Variants in NAV3 observed in about 807,000 individuals in gnomAD.
NAV3 encodes pore membrane and/or filament interacting like protein 1.
NAV3 carries 87 observed loss-of-function variants against 244.7 expected under a neutral mutation model. That is an observed-to-expected ratio of 0.36 (90% confidence interval 0.30 to 0.42). The LOEUF (loss-of-function observed/expected upper bound fraction) is 0.42, where lower values mean the gene tolerates loss of function less well. Ranked by LOEUF, NAV3 falls within the 20% of genes least tolerant of loss-of-function variation. The pLI is 1.00. For synonymous variants in NAV3, 1,126 were observed against 1,042.2 expected (o/e 1.08, Z -1.55); for missense variants, 2,663 against 2,893.3 (o/e 0.92, Z 1.83).
At chr12:77,960,699 A>C (rs1891824495) in intron 3 of NAV3, among the ~76,000 whole-genome samples, 1 of 147,642 alleles carries the variant, frequency 6.8e-6, no homozygotes, top group Non-Finnish European at 1.5e-5. Flanking sequence ...TATATAATTA[A>C]AGTATATGCT....
At chr12:77,887,680 T>TTA (rs1287886639) in intron 1 of NAV3, among the ~76,000 whole-genome samples, 2 of 152,160 alleles carry the variant, frequency 1.3e-5, no homozygotes, top group East Asian at 3.9e-4. Context: ...TTGAGAGACT[T>TTA]ATTTAGAGAG....
At position 77,940,368 on chromosome 12, in the gene NAV3, G is replaced by A. The variant is rs780245136; in HGVS notation, c.293G>A (p.Arg98Gln). 148 of 1,613,672 alleles carry A rather than the reference G, an allele frequency of 9.2e-5. 1 individual carries two copies. Among genetic ancestry groups the A allele is most frequent in the Non-Finnish European group, 1.2e-4 (137 of 1,179,828 alleles). ...NHYLAKSGHK[R>Q]LIKDLQQDIA... ...TACCTAGCAAAATCAGGCCACAAGCGGCTGATCAAGGACTTGCAACAAGAC... is the reference window on the plus strand; with the variant it reads ...TACCTAGCAAAATCAGGCCACAAGCAGCTGATCAAGGACTTGCAACAAGAC... The change falls in exon 2 of 40, where the codon CGG (arginine) becomes CAG (glutamine). Residue 98 changes from arginine to glutamine, a missense_variant. Transcript: ENST00000397909.
intron 30 of NAV3, 53 bp downstream of exon 30, chr12:78,181,098 G>A (rs1958479504): frequency 6.5e-7 from 1 of 1,545,818 alleles, no homozygotes; most frequent in Admixed American, 1.9e-5. Flanking sequence ...GAGTTAACGG[G>A]TGGGAAGCCT....
At chr12:78,199,606 A>G in intron 37 of NAV3, 75 bp downstream of exon 37, 1 of 1,090,482 alleles carries the variant, frequency 9.2e-7, no homozygotes, top group Non-Finnish European at 1.3e-6. Flanking sequence ...ATTGGATGGT[A>G]GAAAATAACA....
intron 2 of NAV3, among the ~76,000 whole-genome samples, chr12:77,678,354 A>C (rs1874299989): frequency 6.6e-6 from 1 of 152,180 alleles, no homozygotes; most frequent in African/African-American, 2.4e-5. Context: ...TTAAGCACTT[A>C]AACTTTTAAC....
chr12:77,780,141 A>G (rs1259735756), intron 2 of NAV3, among the ~76,000 whole-genome samples: 1 of 152,152 alleles, frequency 6.6e-6, no homozygotes, highest in Non-Finnish European at 1.5e-5. Context: ...AAGTGGAGCG[A>G]GGCGCACGGG....
intron 2 of NAV3, among the ~76,000 whole-genome samples, chr12:77,580,986 C>G (rs1869336399): frequency 6.6e-6 from 1 of 152,172 alleles, no homozygotes; most frequent in Non-Finnish European, 1.5e-5. Context: ...TGCCATACTT[C>G]TCCAAACTTG....
At chr12:77,965,910 G>GT (rs527447443) in intron 3 of NAV3, among the ~76,000 whole-genome samples, 117 of 152,224 alleles carry the variant, frequency 7.7e-4, no homozygotes, top group Middle Eastern at 3.4e-3. Flanking sequence ...ATCTCAGTCT[G>GT]TATGGATGCT....
chr12:78,015,820 G>A (rs1042097393), intron 8 of NAV3, among the ~76,000 whole-genome samples: 7 of 151,984 alleles, frequency 4.6e-5, no homozygotes, highest in Admixed American at 2.0e-4. Context: ...ATGACAACTG[G>A]TTTTCTAATT....
chr12:77,759,716 G>T (rs1869367189), intron 2 of NAV3, among the ~76,000 whole-genome samples: 1 of 152,102 alleles, frequency 6.6e-6, no homozygotes, highest in African/African-American at 2.4e-5. Flanking sequence ...TAACAAATGT[G>T]CAAGTGTTAA....
chr12:77,751,950 A>G (rs981562096), intron 2 of NAV3, among the ~76,000 whole-genome samples: 1 of 152,202 alleles, frequency 6.6e-6, no homozygotes, highest in African/African-American at 2.4e-5. Flanking sequence ...TTTAAAACAT[A>G]TTACCAGATG....
At chr12:77,711,298 T>C (rs1876102172) in intron 2 of NAV3, among the ~76,000 whole-genome samples, 1 of 152,180 alleles carries the variant, frequency 6.6e-6, no homozygotes, top group African/African-American at 2.4e-5. Flanking sequence ...TGGATTGAAG[T>C]GGAGGCTTTT....
At chr12:78,128,955 T>C (rs893858438) in intron 18 of NAV3, 89 bp downstream of exon 18, 1 of 1,264,892 alleles carries the variant, frequency 7.9e-7, no homozygotes, top group African/African-American at 1.5e-5. Context: ...ACACAACACG[T>C]TTTCATTTAA....
chr12:77,973,547 C>G lies in NAV3; in HGVS notation c.671+4845C>G, dbSNP rs541038521. 2.0e-5 allele frequency among the ~76,000 whole-genome samples: 3 copies of G among 152,256 alleles called. 1 individual carries two copies. In the South Asian group the frequency reaches 6.2e-4, roughly 32 times the overall value. On this transcript the variant is annotated intron_variant, in intron 5 of 39. Transcript: ENST00000397909. The stretch of plus-strand genomic sequence containing the variant: ...GGTACACGTTTTCTGAACGGCTTGG[C>G]TGTTCCCTTGCAGCCCCTTTCCAAG...
At chr12:77,901,203 G>A (rs1885250443) in intron 1 of NAV3, among the ~76,000 whole-genome samples, 1 of 152,084 alleles carries the variant, frequency 6.6e-6, no homozygotes, top group Non-Finnish European at 1.5e-5. Flanking sequence ...AGTTTCTTCT[G>A]CTCTGCAGAA....
intron 1 of NAV3, among the ~76,000 whole-genome samples, chr12:77,846,410 A>C (rs1565851156): frequency 1.3e-5 from 2 of 152,216 alleles, no homozygotes. Flanking sequence ...TAAATACGAA[A>C]ATGTTGGAAG....
At chr12:77,576,080 A>G (rs1734454583) in intron 2 of NAV3, among the ~76,000 whole-genome samples, 1 of 152,102 alleles carries the variant, frequency 6.6e-6, no homozygotes, top group African/African-American at 2.4e-5. Context: ...TCACCTTGCC[A>G]TGAAAAAGCT....
chr12:77,577,090 C>G (rs1869122854), intron 2 of NAV3, among the ~76,000 whole-genome samples: 1 of 152,076 alleles, frequency 6.6e-6, no homozygotes, highest in Admixed American at 6.6e-5. Flanking sequence ...CTATATAAAT[C>G]TGGAATTAAT....
chr12:77,973,914 G>A (rs1050314499), intron 5 of NAV3, among the ~76,000 whole-genome samples: 32 of 151,726 alleles, frequency 2.1e-4, no homozygotes, highest in Admixed American at 1.3e-4. Flanking sequence ...GAAAAGAAGA[G>A]GGATATTTAT....
Sources: allele counts gnomAD v4.1 joint callset (sites outside exome capture counted in the v4.1 genomes callset), GRCh38; gene constraint gnomAD v4.1.1; transcripts MANE v1.5; gene names NCBI Gene and HGNC (gene_info 2026-07-23, HGNC 2026-07-21).